Variants in PUDP observed in about 807,000 individuals in gnomAD.
PUDP encodes the protein pseudouridine-5'-phosphatase.
Under a neutral mutation model 9.4 loss-of-function variants are expected in PUDP, and 8 were observed. That is an observed-to-expected ratio of 0.85 (90% confidence interval 0.50 to 1.53). The LOEUF (loss-of-function observed/expected upper bound fraction) is 1.53. PUDP is among the 40% of genes most tolerant of loss of function. The probability of loss-of-function intolerance (pLI) is 0.00; values close to 1 mark genes in which losing one functional copy is unlikely to be tolerated. For synonymous variants in PUDP, 99 were observed against 80.7 expected (o/e 1.23, Z -1.22); for missense variants, 188 against 189.7 (o/e 0.99, Z 0.05).
intron 1 of PUDP, among the ~76,000 whole-genome samples, chrX:6,986,820 G>A (rs762565115): frequency 8.9e-6 from 1 of 112,389 alleles, no homozygotes; most frequent in East Asian, 2.8e-4. Context: ...GAGCAAGTAT[G>A]AAATATAGTT....
rs751362425 is a variant in PUDP, at chrX:7,077,438, G to A, written c.292C>T (p.Leu98Phe). The stretch of plus-strand genomic sequence containing the variant: ...CCATGTTTCCGCAGGTGGATGATGA[G>A]TTTCTCCGCCCCTGGGGAGGAGGAG... ...TAALMPGAEK[L>F]IIHLRKHGIP... is the part of the protein sequence containing the mutation. The change falls in exon 3 of 4, where the codon CTC becomes TTC. Residue 98 changes from leucine to phenylalanine, a missense_variant. Leu to Phe is a conservative substitution (Grantham distance 22). Coordinates refer to ENST00000381077, the MANE Select transcript of PUDP (RefSeq NM_012080.5). 11 of 1,208,724 alleles carry A rather than the reference G, an allele frequency of 9.1e-6. No individual in the cohort carries two copies. The South Asian group carries it at 1.9e-4, about 21-fold the overall frequency.
At chrX:7,100,563 AG>A (rs1339452558) in intron 2 of PUDP, among the ~76,000 whole-genome samples, 1 of 112,021 alleles carries the variant, frequency 8.9e-6, no homozygotes, top group Non-Finnish European at 1.9e-5. Context: ...CCTTAAGAAC[AG>A]GAACAAAGTA....
chrX:7,110,748 T>C (rs1243794242), intron 1 of PUDP, among the ~76,000 whole-genome samples: 1 of 92,995 alleles, frequency 1.1e-5, no homozygotes, highest in Non-Finnish European at 2.2e-5. Flanking sequence ...GGGGTTGTTC[T>C]CTTGCGGGCA....
chrX:6,838,616 T>G (rs979330911), intron 3 of PUDP, among the ~76,000 whole-genome samples: 1 of 112,252 alleles, frequency 8.9e-6, no homozygotes, highest in African/African-American at 3.2e-5. Context: ...TTGCCACTCA[T>G]TGGCAATTAA....
chrX:6,767,677 T>G (rs1925302076), intron 3 of PUDP, among the ~76,000 whole-genome samples: 1 of 111,694 alleles, frequency 9.0e-6, no homozygotes, highest in South Asian at 3.8e-4. Context: ...AGATTCAAAT[T>G]TGCTTGAAGT....
At chrX:6,733,749 G>A (rs1405302291) in intron 3 of PUDP, among the ~76,000 whole-genome samples, 1 of 104,886 alleles carries the variant, frequency 9.5e-6, no homozygotes, top group Non-Finnish European at 1.9e-5. Flanking sequence ...GTTTAAACTC[G>A]GAGCTGCCCT....
At chrX:7,050,684 G>C (rs762063343) in intron 3 of PUDP, among the ~76,000 whole-genome samples, 2 of 112,515 alleles carry the variant, frequency 1.8e-5, no homozygotes, top group South Asian at 7.4e-4. Flanking sequence ...TTAAAGGGGA[G>C]AGGTTTCTGT....
chrX:6,996,557 C>CATAT (rs10658533), intron 1 of PUDP, among the ~76,000 whole-genome samples: 6 of 104,304 alleles, frequency 5.8e-5, no homozygotes, highest in South Asian at 4.2e-4. Flanking sequence ...ATTTTTTCCT[C>CATAT]ATATATATAT....
intron 3 of PUDP, among the ~76,000 whole-genome samples, chrX:6,873,281 A>G (rs1927203456): frequency 8.9e-6 from 1 of 112,014 alleles, no homozygotes; most frequent in African/African-American, 3.2e-5. Context: ...AGTAGCAAGG[A>G]ATTGCTATTT....
At chrX:7,034,969 G>A (rs1281455605) in intron 1 of PUDP, among the ~76,000 whole-genome samples, 3 of 111,517 alleles carry the variant, frequency 2.7e-5, no homozygotes, top group Non-Finnish European at 5.6e-5. Flanking sequence ...GAAATTATTA[G>A]GTATCAAAAC....
intron 2 of PUDP, among the ~76,000 whole-genome samples, chrX:7,097,655 C>T (rs1931610212): frequency 9.0e-6 from 1 of 110,981 alleles, no homozygotes; most frequent in African/African-American, 3.3e-5. Context: ...GACCTTTCTC[C>T]TGTGTCCCCC....
At chrX:7,027,464 G>A (rs1304682428) in intron 1 of PUDP, among the ~76,000 whole-genome samples, 1 of 107,725 alleles carries the variant, frequency 9.3e-6, no homozygotes, top group Non-Finnish European at 1.9e-5. Context: ...ATATATATGT[G>A]TGTGTGTGTG....
intron 2 of PUDP, among the ~76,000 whole-genome samples, chrX:7,088,111 A>C (rs1238624582): frequency 1.8e-5 from 2 of 112,585 alleles, no homozygotes; most frequent in African/African-American, 6.5e-5. Context: ...AATTAAAACA[A>C]AACTATTTTT....
At chrX:6,766,347 T>C (rs1925285260) in intron 3 of PUDP, among the ~76,000 whole-genome samples, 2 of 112,065 alleles carry the variant, frequency 1.8e-5, no homozygotes, top group Admixed American at 1.9e-4. Flanking sequence ...CTCCTTCTTA[T>C]CTGGGATACT....
intron 3 of PUDP, chrX:7,057,956 G>C: frequency 4.3e-6 from 2 of 463,623 alleles, no homozygotes; most frequent in Non-Finnish European, 7.4e-6. Flanking sequence ...TCACTTCCCG[G>C]TGATGCTTCC....
chrX:7,020,466 G>A (rs2146819704), intron 1 of PUDP, among the ~76,000 whole-genome samples: 1 of 110,686 alleles, frequency 9.0e-6, no homozygotes, highest in East Asian at 2.9e-4. Context: ...CAGGCAGTTT[G>A]GCTGCTCAAA....
At chrX:6,978,351 AAG>A (rs5901332) in intron 1 of PUDP, among the ~76,000 whole-genome samples, 39,204 of 108,882 alleles carry the variant, frequency 0.36, 5,378 homozygotes, top group Non-Finnish European at 0.41. Context: ...TTTCTAAAAA[AAG>A]AGAGAGAGAG....
chrX:7,099,558 C>T (rs189012710), intron 2 of PUDP, among the ~76,000 whole-genome samples: 1 of 112,386 alleles, frequency 8.9e-6, no homozygotes, highest in Non-Finnish European at 1.9e-5. Context: ...GGCCCACCCA[C>T]CTTTTCATAG....
At chrX:6,996,291 T>C (rs913570404) in intron 1 of PUDP, among the ~76,000 whole-genome samples, 1 of 111,297 alleles carries the variant, frequency 9.0e-6, no homozygotes, top group Non-Finnish European at 1.9e-5. Flanking sequence ...AATAGTGGAT[T>C]TCACTGAGTT....
Sources: allele counts gnomAD v4.1 joint callset (sites outside exome capture counted in the v4.1 genomes callset), GRCh38; gene constraint gnomAD v4.1.1; transcripts MANE v1.5; gene names NCBI Gene and HGNC (gene_info 2026-07-23, HGNC 2026-07-21).